Variants in COG6 observed in about 807,000 individuals in gnomAD.
The protein encoded by COG6 is conserved oligomeric Golgi complex subunit 6.
COG6 carries 74 observed loss-of-function variants against 88.8 expected under a neutral mutation model. That is an observed-to-expected ratio of 0.83 (90% CI 0.69 to 1.01). The LOEUF is 1.01. Among genes scored for constraint, COG6 ranks in the 50% least tolerant of loss-of-function variants. The probability of loss-of-function intolerance (pLI) is 0.00; values close to 1 mark genes in which losing one functional copy is unlikely to be tolerated. For missense variants in COG6, 800 were observed against 797.9 expected, an observed-to-expected ratio of 1.00 and a Z score of -0.03; for synonymous variants, 286 against 278.7, an observed-to-expected ratio of 1.03 and a Z score of -0.26.
At chr13:39,672,359 C>T (rs1593413848) in intron 4 of COG6, among the ~76,000 whole-genome samples, 1 of 152,022 alleles carries the variant, frequency 6.6e-6, no homozygotes, top group Middle Eastern at 3.4e-3. Flanking sequence ...GTTGTGCAAT[C>T]ATCATTATGA....
chr13:39,685,542 T>C (rs1373755049), intron 8 of COG6, among the ~76,000 whole-genome samples: 3 of 152,192 alleles, frequency 2.0e-5, no homozygotes, highest in African/African-American at 4.8e-5. Context: ...ACAGCTGTCG[T>C]CCCAGTGGAC....
At chr13:39,710,165 T>C (rs1414616206) in intron 13 of COG6, among the ~76,000 whole-genome samples, 1 of 152,180 alleles carries the variant, frequency 6.6e-6, no homozygotes, top group Non-Finnish European at 1.5e-5. Flanking sequence ...GGTCTTTAGT[T>C]TCTCTCACTA....
intron 18 of COG6, among the ~76,000 whole-genome samples, chr13:39,774,592 T>C (rs76891019): frequency 1.3e-5 from 2 of 152,102 alleles, no homozygotes; most frequent in South Asian, 2.1e-4. Flanking sequence ...TTTTTTTTTT[T>C]GAGACAGAGT....
chr13:39,664,934 G>T (rs1464606840), intron 3 of COG6, among the ~76,000 whole-genome samples, 162 bp from the exon 4 acceptor site: 1 of 152,142 alleles, frequency 6.6e-6, no homozygotes, highest in Non-Finnish European at 1.5e-5. Flanking sequence ...TCCTCCAGTG[G>T]ATGAGCCTTG....
At chr13:39,741,269 C>T (rs1880027374) in intron 18 of COG6, among the ~76,000 whole-genome samples, 1 of 152,080 alleles carries the variant, frequency 6.6e-6, no homozygotes, top group Non-Finnish European at 1.5e-5. Flanking sequence ...GACAAGCTGA[C>T]AGAAGTAGGC....
chr13:39,677,654 CT>C, intron 5 of COG6, 75 bp downstream of exon 5: 1 of 765,628 alleles, frequency 1.3e-6, no homozygotes, highest in Non-Finnish European at 2.1e-6. Flanking sequence ...TTTTTTGAAG[CT>C]TTATTTTCCC....
chr13:39,756,734 C>T (rs1880847211), downstream of COG6, among the ~76,000 whole-genome samples: 1 of 151,596 alleles, frequency 6.6e-6, no homozygotes, highest in African/African-American at 2.4e-5. Flanking sequence ...ATTCAAAGAG[C>T]TCTGGGCGGG....
intron 4 of COG6, among the ~76,000 whole-genome samples, chr13:39,666,354 T>C (rs1254775237): frequency 6.6e-6 from 1 of 152,202 alleles, no homozygotes; most frequent in Admixed American, 6.5e-5. Context: ...TGGGCTATGA[T>C]AGTGCCACTG....
At chr13:39,714,307 T>C (rs909549689) in intron 13 of COG6, among the ~76,000 whole-genome samples, 5 of 151,874 alleles carry the variant, frequency 3.3e-5, no homozygotes, top group African/African-American at 1.2e-4. Flanking sequence ...AAAATGCTTC[T>C]GTATAGCCAA....
chr13:39,775,392 A>T (rs1054798859), intron 18 of COG6, among the ~76,000 whole-genome samples: 4 of 152,222 alleles, frequency 2.6e-5, no homozygotes, highest in Non-Finnish European at 4.4e-5. Context: ...TGAGAAAAAG[A>T]AAAAGTATAC....
chr13:39,773,880 T>TTTTG lies in COG6; in HGVS notation c.1827-14452_1827-14451insGTTT. 1.3e-5 allele frequency among the ~76,000 whole-genome samples: 2 copies of TTTTG among 151,740 alleles called. 1 individual carries two copies. ...CCTATTGACATTTTTGCTTTTTTTT[T>TTTTG]TTTTTACCCAATCATGTCTAAATAC... On this transcript the variant is annotated intron_variant, in intron 18 of 18. Transcript: ENST00000416691.
At chr13:39,667,163 A>AT (rs1256582516) in intron 4 of COG6, among the ~76,000 whole-genome samples, 1 of 152,180 alleles carries the variant, frequency 6.6e-6, no homozygotes, top group Non-Finnish European at 1.5e-5. Flanking sequence ...ATATTGCACA[A>AT]TTTTAAGACT....
chr13:39,678,787 G>A (rs1037961272), intron 5 of COG6, among the ~76,000 whole-genome samples: 4 of 152,036 alleles, frequency 2.6e-5, no homozygotes, highest in African/African-American at 4.8e-5. Flanking sequence ...GTGTAGAGAG[G>A]TAAATAGGTG....
intron 3 of COG6, among the ~76,000 whole-genome samples, chr13:39,663,399 T>A (rs1002355181): frequency 2.6e-5 from 4 of 152,202 alleles, no homozygotes; most frequent in Admixed American, 2.6e-4. Flanking sequence ...TTGTGAAGCA[T>A]TCTTTTTTTC....
chr13:39,687,677 G>C, intron 9 of COG6, 31 bp from the exon 10 acceptor site: 1 of 1,613,846 alleles, frequency 6.2e-7, no homozygotes, highest in Non-Finnish European at 8.5e-7. Flanking sequence ...TTTTCCAAAG[G>C]AAATCTTCAT....
rs761840987 is a variant in COG6, at chr13:39,687,473, A to G, written c.789-30A>G. On this transcript the variant is annotated intron_variant, in intron 8 of 18. Transcript: ENST00000455146. Reference sequence around the variant, plus strand: ...GATATAGCCACTAGAAACAACCCCAACCATTTTTTATATAACTTGTTTCTT... The same window carrying G: ...GATATAGCCACTAGAAACAACCCCAGCCATTTTTTATATAACTTGTTTCTT... 4 of 1,606,618 alleles carry G rather than the reference A, an allele frequency of 2.5e-6. No homozygotes were observed. The African/African-American group carries it at 5.4e-5, about 22-fold the overall frequency.
chr13:39,676,488 AG>A (rs1566175041), intron 4 of COG6, among the ~76,000 whole-genome samples: 1 of 151,158 alleles, frequency 6.6e-6, no homozygotes, highest in Admixed American at 6.6e-5. Flanking sequence ...TGAAATAAAC[AG>A]ATCTTTGCTG....
At chr13:39,665,036 T>G in intron 3 of COG6, 60 bp from the exon 4 acceptor site, 2 of 824,456 alleles carry the variant, frequency 2.4e-6, no homozygotes, top group Non-Finnish European at 4.2e-6. Context: ...TGGTAGTATT[T>G]GTTTTCTGAA....
At chr13:39,747,709 A>G (rs2138141255) in intron 18 of COG6, among the ~76,000 whole-genome samples, 1 of 152,298 alleles carries the variant, frequency 6.6e-6, no homozygotes, top group East Asian at 1.9e-4. Flanking sequence ...TTGCAGACTT[A>G]CAGTGGATTT....
Sources: gnomAD v4.1 joint callset for allele counts (sites outside exome capture counted in the v4.1 genomes callset) on GRCh38, gnomAD v4.1.1 for gene constraint, MANE v1.5 for transcripts, NCBI Gene and HGNC (gene_info 2026-07-23, HGNC 2026-07-21) for gene names.